Variants in ARHGAP21 observed in about 807,000 individuals in gnomAD.
The protein encoded by ARHGAP21 is rho GTPase-activating protein 21.
In ARHGAP21, 38 loss-of-function variants were observed where a neutral mutation model predicts 164.6. That is an observed-to-expected ratio of 0.23 (90% confidence interval 0.18 to 0.30). The LOEUF is 0.30. ARHGAP21 is among the 10% of genes least tolerant of loss of function. The pLI is 1.00. For synonymous variants in ARHGAP21, 766 were observed against 857.9 expected (o/e 0.89, Z 1.87); for missense variants, 1,822 against 2,370.7 (o/e 0.77, Z 4.81).
intron 24 of ARHGAP21, chr10:24,590,507 G>A (rs2130754398): frequency 6.5e-7 from 1 of 1,532,312 alleles, no homozygotes; most frequent in South Asian, 1.2e-5. Context: ...AGATTTGCCT[G>A]TGTCAGTAAG....
intron 2 of ARHGAP21, among the ~76,000 whole-genome samples, chr10:24,678,591 C>T (rs949048848): frequency 1.3e-5 from 2 of 152,154 alleles, no homozygotes; most frequent in African/African-American, 4.8e-5. Context: ...CCTTAACCTC[C>T]AATGATCAAG....
chr10:24,686,568 T>C (rs1016218238), intron 2 of ARHGAP21, among the ~76,000 whole-genome samples: 2 of 152,190 alleles, frequency 1.3e-5, no homozygotes, highest in African/African-American at 4.8e-5. Flanking sequence ...TTCAATGGCA[T>C]GAGAAAATGC....
intron 4 of ARHGAP21, among the ~76,000 whole-genome samples, chr10:24,650,725 C>T (rs1565096734): frequency 6.6e-6 from 1 of 152,304 alleles, no homozygotes; most frequent in East Asian, 1.9e-4. Context: ...AACTCTTCCA[C>T]CCATGAATAA....
intron 5 of ARHGAP21, among the ~76,000 whole-genome samples, chr10:24,634,594 T>C (rs191513430): frequency 6.6e-6 from 1 of 152,320 alleles, no homozygotes; most frequent in East Asian, 1.9e-4. Context: ...TTAAGCCACT[T>C]TGTGCTGCAA....
At chr10:24,593,707 C>T (rs1227728783) in intron 21 of ARHGAP21, among the ~76,000 whole-genome samples, 1 of 151,934 alleles carries the variant, frequency 6.6e-6, no homozygotes, top group African/African-American at 2.4e-5. Context: ...TCTAAATTAA[C>T]TAGACCAACA....
chr10:24,704,294 T>C (rs964478972), intron 2 of ARHGAP21, among the ~76,000 whole-genome samples: 27 of 147,102 alleles, frequency 1.8e-4, no homozygotes, highest in East Asian at 1.3e-3. Context: ...CTTTTCTTTT[T>C]TTTTTTTTTT....
chr10:24,600,209 T>A (rs2076758542), intron 14 of ARHGAP21, among the ~76,000 whole-genome samples: 1 of 151,878 alleles, frequency 6.6e-6, no homozygotes, highest in Non-Finnish European at 1.5e-5. Context: ...TGTGTGACAG[T>A]AGGCTATTCC....
intron 9 of ARHGAP21, among the ~76,000 whole-genome samples, chr10:24,612,538 T>C (rs1037743274): frequency 6.6e-6 from 1 of 152,190 alleles, no homozygotes; most frequent in Non-Finnish European, 1.5e-5. Flanking sequence ...AGAGGAAATA[T>C]TGCTAATGGA....
chr10:24,600,551 T>C, intron 14 of ARHGAP21, 95 bp downstream of exon 14: 1 of 1,414,758 alleles, frequency 7.1e-7, no homozygotes, highest in Non-Finnish European at 9.4e-7. Context: ...CACATTATAA[T>C]TTTTTTATAA....
chr10:24,628,969 TATATATATA>T (rs1835523782), intron 7 of ARHGAP21: 7 of 17,694 alleles, frequency 4.0e-4, no homozygotes, highest in South Asian at 1.9e-3. Flanking sequence ...TATATATATA[TATATATATA>T]TATATTTTTT....
intron 2 of ARHGAP21, among the ~76,000 whole-genome samples, chr10:24,689,612 G>A (rs945758707): frequency 2.6e-5 from 4 of 151,946 alleles, no homozygotes; most frequent in Admixed American, 1.3e-4. Context: ...ATGGTGGCAC[G>A]TGCCTGTAGT....
chr10:24,660,584 T>C lies in ARHGAP21; in HGVS notation c.268+6401A>G, dbSNP rs78474656. Among the ~76,000 whole-genome samples, 1,415 of 152,182 alleles carry C rather than the reference T, an allele frequency of 9.3e-3. 11 individuals are homozygous for C. Among genetic ancestry groups the C allele is most frequent in the Non-Finnish European group, 0.014 (953 of 68,006 alleles). On this transcript the variant is annotated intron_variant, in intron 4 of 25. Transcript: ENST00000396432. ...ATCAGTACAGGATACCTTTACCAAATGAGGTTTCACCAAGGTTACTGCTGA... is the reference window on the plus strand; with the variant it reads ...ATCAGTACAGGATACCTTTACCAAACGAGGTTTCACCAAGGTTACTGCTGA...
intron 2 of ARHGAP21, among the ~76,000 whole-genome samples, chr10:24,708,199 G>A (rs1026236806): frequency 2.0e-5 from 3 of 152,096 alleles, no homozygotes; most frequent in Middle Eastern, 3.2e-3. Context: ...TAACTAGTTC[G>A]CCTTGGTGGC....
At chr10:24,603,598 G>C (rs1198729072) in intron 12 of ARHGAP21, among the ~76,000 whole-genome samples, 1 of 152,124 alleles carries the variant, frequency 6.6e-6, no homozygotes, top group Non-Finnish European at 1.5e-5. Flanking sequence ...GGAAGTGAGA[G>C]GCAAGAGAAT....
At chr10:24,640,446 A>AT (rs1193938629) in intron 4 of ARHGAP21, among the ~76,000 whole-genome samples, 1 of 151,962 alleles carries the variant, frequency 6.6e-6, no homozygotes, top group African/African-American at 2.4e-5. Flanking sequence ...AAAAAATGGT[A>AT]TTTTTTCCAT....
chr10:24,686,460 A>G (rs575376185), intron 2 of ARHGAP21, among the ~76,000 whole-genome samples: 1 of 152,236 alleles, frequency 6.6e-6, no homozygotes, highest in South Asian at 2.1e-4. Flanking sequence ...AAATAAAGAT[A>G]AATAAACTCA....
chr10:24,690,226 T>C (rs993516274), intron 2 of ARHGAP21, among the ~76,000 whole-genome samples: 2 of 152,164 alleles, frequency 1.3e-5, no homozygotes, highest in African/African-American at 2.4e-5. Flanking sequence ...TGAAAAACCA[T>C]TGAGAATTAC....
intron 2 of ARHGAP21, among the ~76,000 whole-genome samples, chr10:24,696,561 G>A (rs1843196023): frequency 6.6e-6 from 1 of 152,178 alleles, no homozygotes; most frequent in African/African-American, 2.4e-5. Context: ...GCAGTAAAAT[G>A]TGACGCTGGA....
Position 24,624,337 on chromosome 10 carries a change from C to CTTTT in ARHGAP21, c.496-1579_496-1576dup, listed in dbSNP as rs565872094. On this transcript the variant is annotated intron_variant, in intron 7 of 25. Transcript: ENST00000396432. ...CTGCCTGGGAAATGCTGTTCTAGAACTTTTTTTTTTTTTTTTTTTTGAGAC... is the reference window on the plus strand; with the variant it reads ...CTGCCTGGGAAATGCTGTTCTAGAACTTTTTTTTTTTTTTTTTTTTTTTTGAGAC... Among the ~76,000 whole-genome samples, 12 of 102,888 alleles carry CTTTT rather than the reference C, an allele frequency of 1.2e-4. 1 individual carries two copies. The highest frequency in any genetic ancestry group is 1.6e-4 in the Non-Finnish European group (9 of 54,758). The allele number at this position is 102,888 out of a possible 152,430, so 67.5% of individuals were successfully genotyped here. A position where few individuals can be genotyped will look rare whatever the true frequency, so the allele number is the denominator to read the frequency against.
Sources: allele counts gnomAD v4.1 joint callset (sites outside exome capture counted in the v4.1 genomes callset), GRCh38; gene constraint gnomAD v4.1.1; transcripts MANE v1.5; gene names NCBI Gene and HGNC (gene_info 2026-07-23, HGNC 2026-07-21).